Variants in ANKS1B observed in about 807,000 individuals in gnomAD.
The protein encoded by ANKS1B is ankyrin repeat and sterile alpha motif domain-containing protein 1B.
Under a neutral mutation model 148.3 loss-of-function variants are expected in ANKS1B, and 36 were observed. The observed-to-expected ratio is 0.24, with a 90% CI of 0.19 to 0.32. The LOEUF (loss-of-function observed/expected upper bound fraction) is 0.32, where lower values mean the gene tolerates loss of function less well. Among genes scored for constraint, ANKS1B ranks in the 10% least tolerant of loss-of-function variants. The pLI is 1.00. For missense variants in ANKS1B, 1,157 were observed against 1,542.6 expected (o/e 0.75, Z 4.19); for synonymous variants, 542 against 560.8 (o/e 0.97, Z 0.47).
At chr12:98,872,219 C>T (rs1255223529) in intron 17 of ANKS1B, among the ~76,000 whole-genome samples, 1 of 152,112 alleles carries the variant, frequency 6.6e-6, no homozygotes, top group Non-Finnish European at 1.5e-5. Context: ...ATGAATGAGA[C>T]TGTAGTTGAA....
chr12:99,954,593 G>A (rs558510894), intron 1 of ANKS1B, among the ~76,000 whole-genome samples: 6 of 152,212 alleles, frequency 3.9e-5, no homozygotes, highest in Admixed American at 6.5e-5. Flanking sequence ...TAACATTTAC[G>A]GAGCCATTCA....
chr12:99,349,657 C>T (rs1383950346), intron 12 of ANKS1B, among the ~76,000 whole-genome samples: 1 of 151,968 alleles, frequency 6.6e-6, no homozygotes, highest in African/African-American at 2.4e-5. Context: ...ATGCACCTAA[C>T]AACTGAGTCC....
intron 17 of ANKS1B, among the ~76,000 whole-genome samples, chr12:98,991,855 C>G (rs546896321): frequency 9.2e-5 from 14 of 152,248 alleles, no homozygotes; most frequent in East Asian, 3.9e-4. Flanking sequence ...TACACACACA[C>G]AAAATTTAAC....
intron 11 of ANKS1B, among the ~76,000 whole-genome samples, chr12:99,408,592 TATCC>T (rs1411326558): frequency 6.9e-6 from 1 of 145,408 alleles, no homozygotes; most frequent in Non-Finnish European, 1.5e-5. Context: ...ATTTACAAGC[TATCC>T]ATCTGACAAG....
intron 1 of ANKS1B, among the ~76,000 whole-genome samples, chr12:99,938,889 G>A (rs950244722): frequency 3.3e-5 from 5 of 152,124 alleles, no homozygotes; most frequent in South Asian, 2.1e-4. Context: ...AGGATCAAGC[G>A]GCCCCGCAGA....
At chr12:98,921,257 G>A (rs2099801044) in intron 17 of ANKS1B, among the ~76,000 whole-genome samples, 1 of 152,076 alleles carries the variant, frequency 6.6e-6, no homozygotes, top group Non-Finnish European at 1.5e-5. Context: ...CATATGCCAA[G>A]GATGCACCCA....
At chr12:99,955,492 CAAAAAAAAAAAAAAAAAAAAA>C (rs61654867) in intron 1 of ANKS1B, among the ~76,000 whole-genome samples, 4 of 38,064 alleles carry the variant, frequency 1.1e-4, no homozygotes, top group Non-Finnish European at 1.8e-4. Context: ...AACTCCGTCT[CAAAAAAAAAAAAAAAAAAAAA>C]AAAAAAAAAA....
chr12:99,415,731 T>A (rs1347919080), intron 11 of ANKS1B, among the ~76,000 whole-genome samples: 10 of 152,198 alleles, frequency 6.6e-5, no homozygotes, highest in African/African-American at 2.2e-4. Flanking sequence ...CCGCCCAGGC[T>A]GGAGTGTAGT....
chr12:99,790,761 T>C (rs1421448572), intron 4 of ANKS1B, among the ~76,000 whole-genome samples: 3 of 151,510 alleles, frequency 2.0e-5, no homozygotes, highest in Admixed American at 2.0e-4. Flanking sequence ...AAACATACAA[T>C]GGGTACGCAA....
At chr12:99,167,035 A>T (rs1202615985) in intron 14 of ANKS1B, among the ~76,000 whole-genome samples, 1 of 152,098 alleles carries the variant, frequency 6.6e-6, no homozygotes, top group African/African-American at 2.4e-5. Flanking sequence ...TTAATGAATT[A>T]TTCTGGGAAA....
intron 1 of ANKS1B, among the ~76,000 whole-genome samples, chr12:99,930,176 A>T (rs1244380052): frequency 1.3e-5 from 2 of 151,344 alleles, no homozygotes; most frequent in African/African-American, 4.9e-5. Context: ...TATTTCGTTG[A>T]GCAGTGGTTT....
At position 98,791,209 on chromosome 12, in the gene ANKS1B, G is replaced by A. The variant is rs146838552; in HGVS notation, c.3342+7725C>T. On this transcript the variant is annotated intron_variant, in intron 22 of 26. Coordinates refer to ENST00000683438, the MANE Select transcript of ANKS1B (RefSeq NM_001352186.2). ...AAAATACAAAAATTAGCCGGACGTG[G>A]TGGCGGATGCCTGTAGTCCCAGCTA... Among the ~76,000 whole-genome samples the A allele has an allele frequency of 9.7e-4, 147 of 152,220 alleles. 3 individuals are homozygous for A. In the East Asian group the frequency reaches 0.026, roughly 27 times the overall value.
rs140384520 is a variant in ANKS1B at position 99,643,255 on chromosome 12, A to G, written c.1272+11812T>C. Among the ~76,000 whole-genome samples the G allele has an allele frequency of 2.8e-3, 432 of 152,294 alleles. 2 individuals are homozygous for G. The highest frequency in any genetic ancestry group is 9.9e-3 in the African/African-American group (411 of 41,564). On this transcript the variant is annotated intron_variant, in intron 9 of 26. Coordinates refer to ENST00000683438, the MANE Select transcript of ANKS1B (RefSeq NM_001352186.2). ...ACATCAACTTAAACTCAAAATCTCA[A>G]AAACTCAAAAGTCCCAAATTTCCTC...
intron 17 of ANKS1B, among the ~76,000 whole-genome samples, chr12:98,926,002 G>C (rs147669491): frequency 2.6e-3 from 391 of 152,186 alleles, no homozygotes; most frequent in African/African-American, 9.2e-3. Flanking sequence ...GTTTAGGGGG[G>C]TTTGAAAAGC....
intron 14 of ANKS1B, among the ~76,000 whole-genome samples, chr12:99,167,208 C>T (rs1601334696): frequency 2.0e-5 from 3 of 151,938 alleles, no homozygotes; most frequent in Admixed American, 2.0e-4. Flanking sequence ...TTACAGTAGG[C>T]ACCAGAAGTA....
At chr12:99,043,094 CTA>C (rs1209567520) in intron 17 of ANKS1B, among the ~76,000 whole-genome samples, 1 of 152,130 alleles carries the variant, frequency 6.6e-6, no homozygotes, top group Non-Finnish European at 1.5e-5. Context: ...AGGGTAAAGA[CTA>C]AAATACTTAT....
intron 1 of ANKS1B, among the ~76,000 whole-genome samples, chr12:99,922,348 G>T (rs1203012859): frequency 6.6e-6 from 1 of 151,930 alleles, no homozygotes; most frequent in Non-Finnish European, 1.5e-5. Context: ...AAGAGCCAAA[G>T]GATACATATT....
chr12:99,391,416 C>T (rs2094062743), intron 12 of ANKS1B, among the ~76,000 whole-genome samples: 1 of 152,180 alleles, frequency 6.6e-6, no homozygotes. Context: ...ATGTTAATTT[C>T]TACCACAGGG....
chr12:99,922,192 C>G (rs890127972), intron 1 of ANKS1B, among the ~76,000 whole-genome samples: 2 of 152,100 alleles, frequency 1.3e-5, no homozygotes, highest in African/African-American at 4.8e-5. Flanking sequence ...ATAAGTGGTA[C>G]TTATTATTAC....
Sources: gnomAD v4.1 joint callset for allele counts (sites outside exome capture counted in the v4.1 genomes callset) on GRCh38, gnomAD v4.1.1 for gene constraint, MANE v1.5 for transcripts, NCBI Gene and HGNC (gene_info 2026-07-23, HGNC 2026-07-21) for gene names.